Variants in TAMM41 observed in about 807,000 individuals in gnomAD.
TAMM41 encodes phosphatidate cytidylyltransferase, mitochondrial.
In TAMM41, 36 loss-of-function variants were observed where a neutral mutation model predicts 44.1. The ratio of observed to expected loss-of-function variants is 0.82; its 90% CI spans 0.63 to 1.08. The LOEUF (loss-of-function observed/expected upper bound fraction) is 1.08. TAMM41 is among the 50% of genes least tolerant of loss of function. The pLI is 0.00. For missense variants in TAMM41, 417 were observed against 404.3 expected (o/e 1.03, Z -0.27); for synonymous variants, 164 against 153.1 (o/e 1.07, Z -0.53).
rs141281993 is a variant in TAMM41, at chr3:11,822,559, G to A, written c.563-5222C>T. Among the ~76,000 whole-genome samples the A allele has an allele frequency of 2.6e-3, 396 of 152,336 alleles. 2 individuals are homozygous for A. The highest frequency in any genetic ancestry group is 8.7e-3 in the African/African-American group (362 of 41,570). ...CTACAAAGTACCAGGAGCTGTGCTA[G>A]ACAATGGAGATCCAGGTTGGATCTA... On this transcript the variant is annotated intron_variant, in intron 4 of 7. Transcript: ENST00000455809.
At chr3:11,738,147 A>T in the TAMM41 span, among the ~76,000 whole-genome samples, 1 of 152,234 alleles carries the variant, frequency 6.6e-6, no homozygotes, top group Admixed American at 6.5e-5. Context: ...AACATCAAAA[A>T]TATTAACTTT....
the TAMM41 span, among the ~76,000 whole-genome samples, chr3:11,738,542 T>C: frequency 6.6e-6 from 1 of 152,138 alleles, no homozygotes; most frequent in Non-Finnish European, 1.5e-5. Context: ...GAACCAGAGC[T>C]CTAAGCCCTG....
chr3:11,813,942 GTA>G (rs565061250), intron 5 of TAMM41, among the ~76,000 whole-genome samples: 173 of 145,546 alleles, frequency 1.2e-3, no homozygotes, highest in African/African-American at 4.1e-3. Context: ...GTATATATGT[GTA>G]TATATATGTA....
At chr3:11,837,747 A>G (rs1422812224) in intron 3 of TAMM41, among the ~76,000 whole-genome samples, 1 of 152,178 alleles carries the variant, frequency 6.6e-6, no homozygotes, top group African/African-American at 2.4e-5. Flanking sequence ...TCCATGATAC[A>G]TGTCCTAGCA....
chr3:11,820,748 A>C (rs909219448), intron 4 of TAMM41, among the ~76,000 whole-genome samples: 3 of 152,240 alleles, frequency 2.0e-5, no homozygotes, highest in African/African-American at 7.2e-5. Flanking sequence ...GTTTTCAACA[A>C]AACTACAGCA....
At chr3:11,784,841 C>A in the TAMM41 span, among the ~76,000 whole-genome samples, 46 of 144,900 alleles carry the variant, frequency 3.2e-4, no homozygotes, top group East Asian at 8.7e-3. Context: ...CTCGCTCTGT[C>A]CCCCAGGGTG....
chr3:11,800,590 A>C (rs954870158), intron 7 of TAMM41, among the ~76,000 whole-genome samples: 5 of 151,896 alleles, frequency 3.3e-5, no homozygotes, highest in African/African-American at 1.2e-4. Context: ...TATAATGATA[A>C]AGGGATCAGT....
At chr3:11,725,208 C>CCTCCTTCTCCTCCCTCTCCTCCTT in the TAMM41 span, among the ~76,000 whole-genome samples, 2 of 146,368 alleles carry the variant, frequency 1.4e-5, no homozygotes, top group African/African-American at 2.5e-5. Context: ...TCCTTCTCCT[C>CCTCCTTCTCCTCCCTCTCCTCCTT]CTCCTTCTCC....
At chr3:11,775,066 C>T in the TAMM41 span, among the ~76,000 whole-genome samples, 1 of 152,098 alleles carries the variant, frequency 6.6e-6, no homozygotes, top group Non-Finnish European at 1.5e-5. Context: ...GATGGCGTTT[C>T]ACCATCTTGG....
the TAMM41 span, among the ~76,000 whole-genome samples, chr3:11,738,735 T>C: frequency 2.0e-5 from 3 of 152,190 alleles, no homozygotes; most frequent in Non-Finnish European, 4.4e-5. Context: ...TCCTCATACC[T>C]GTGGTTCTCA....
At chr3:11,792,921 C>A (rs778892893) in intron 7 of TAMM41, among the ~76,000 whole-genome samples, 2 of 151,856 alleles carry the variant, frequency 1.3e-5, no homozygotes, top group African/African-American at 4.8e-5. Flanking sequence ...ATTAGCCAGG[C>A]GTGGTGGCAT....
downstream of TAMM41, among the ~76,000 whole-genome samples, chr3:11,788,464 C>T (rs1334411423): frequency 6.6e-6 from 1 of 152,068 alleles, no homozygotes; most frequent in East Asian, 1.9e-4. Context: ...TTGAAAAAAA[C>T]TTTTTGTAGT....
chr3:11,843,849 T>C, intron 2 of TAMM41, 180 bp downstream of exon 2: 1 of 642,568 alleles, frequency 1.6e-6, no homozygotes, highest in East Asian at 2.8e-5. Context: ...GGCAGGAGTG[T>C]GAATGTTTCC....
In TAMM41 at chr3:11,846,741, C is replaced by T. The variant is rs2079719569; in HGVS notation, c.-105G>A. On this transcript the variant is annotated 5_prime_UTR_variant, in exon 1 of 8. Coordinates refer to ENST00000455809, the MANE Select transcript of TAMM41 (RefSeq NM_001284401.2). The stretch of plus-strand genomic sequence containing the variant: ...TAGGGTGGGAAATGGAAGTCGGAGA[C>T]TGGATCGAGGGACACAAGGCTGAGT... The T allele has an allele frequency of 2.8e-6, 4 of 1,446,780 alleles. No homozygotes were observed. In the Admixed American group the frequency reaches 5.3e-5, roughly 19 times the overall value. 89.6% of individuals were successfully genotyped at this position (1,446,780 alleles called of 1,614,324 possible).
chr3:11,747,398 T>A, the TAMM41 span, among the ~76,000 whole-genome samples: 1 of 152,198 alleles, frequency 6.6e-6, no homozygotes, highest in African/African-American at 2.4e-5. Flanking sequence ...AGAAATAATT[T>A]ATATATTGAT....
At chr3:11,765,620 TTGATA>T in the TAMM41 span, among the ~76,000 whole-genome samples, 1 of 152,304 alleles carries the variant, frequency 6.6e-6, no homozygotes, top group South Asian at 2.1e-4. Flanking sequence ...TTGCAGCTAT[TTGATA>T]TAAGACCATA....
intron 5 of TAMM41, chr3:11,809,960 GT>G (rs1314972679): frequency 3.3e-6 from 1 of 306,642 alleles, no homozygotes; most frequent in African/African-American, 2.2e-5. Context: ...CTGACTTTTG[GT>G]TTTAAAATTT....
the TAMM41 span, among the ~76,000 whole-genome samples, chr3:11,733,391 G>T: frequency 7.9e-5 from 12 of 152,160 alleles, no homozygotes; most frequent in African/African-American, 2.9e-4. Context: ...TTACCCTTCT[G>T]CAGGGACCTG....
rs1276792420 is a variant in TAMM41, at chr3:11,803,946, G to A, written c.937+3887C>T. On this transcript the variant is annotated intron_variant, in intron 7 of 7. Transcript: ENST00000455809. ...ACTATAAAAAGTGTGAGGGTGGGAG[G>A]AGATGAGGGTTGGAAAATTACCTAT... Among the ~76,000 whole-genome samples, 7 of 152,186 alleles carry A rather than the reference G, an allele frequency of 4.6e-5. No homozygotes were observed. The East Asian group carries it at 9.6e-4, about 21-fold the overall frequency.
Sources: gnomAD v4.1 joint callset for allele counts (sites outside exome capture counted in the v4.1 genomes callset) on GRCh38, gnomAD v4.1.1 for gene constraint, MANE v1.5 for transcripts, NCBI Gene and HGNC (gene_info 2026-07-23, HGNC 2026-07-21) for gene names.